The following DYM variants were observed in gnomAD, a reference collection of about 807,000 sequenced individuals.
DYM encodes dyggve-Melchior-Clausen syndrome protein.
DYM carries 78 observed loss-of-function variants against 93.1 expected under a neutral mutation model. The observed-to-expected ratio is 0.84, with a 90% CI of 0.70 to 1.01. DYM has a LOEUF of 1.01. Ranked by LOEUF, DYM falls within the 50% of genes least tolerant of loss-of-function variation. The pLI is 0.00. For missense variants in DYM, 789 were observed against 845.0 expected (o/e 0.93, Z 0.82); for synonymous variants, 321 against 319.7 (o/e 1.00, Z -0.04).
chr18:49,238,816 C>A (rs762189497), intron 13 of DYM, among the ~76,000 whole-genome samples: 10 of 151,864 alleles, frequency 6.6e-5, no homozygotes, highest in Non-Finnish European at 1.5e-5. Context: ...AGAAACACTC[C>A]TCCAGCCAGA....
chr18:49,196,531 G>C (rs1015173786), intron 14 of DYM, among the ~76,000 whole-genome samples: 4 of 152,138 alleles, frequency 2.6e-5, no homozygotes, highest in African/African-American at 9.7e-5. Context: ...AAGTGAGAGA[G>C]TGCGAGGGGT....
chr18:49,117,874 T>C (rs1220107879), intron 16 of DYM, among the ~76,000 whole-genome samples: 1 of 152,182 alleles, frequency 6.6e-6, no homozygotes, highest in Admixed American at 6.6e-5. Flanking sequence ...ATAGTAGCTT[T>C]AGCAGAGATG....
chr18:49,346,537 G>A (rs1017138227), intron 6 of DYM, among the ~76,000 whole-genome samples: 3 of 152,126 alleles, frequency 2.0e-5, no homozygotes, highest in African/African-American at 7.2e-5. Context: ...TTTGGATAAT[G>A]AAAATGTTCT....
chr18:49,267,904 C>T (rs75104999), intron 11 of DYM, among the ~76,000 whole-genome samples: 9 of 136,220 alleles, frequency 6.6e-5, no homozygotes, highest in Admixed American at 1.5e-4. Flanking sequence ...CTCAAACAAA[C>T]AAACAAACAA....
At chr18:49,126,037 T>C (rs2082788272) in intron 15 of DYM, 2 of 152,246 alleles carry the variant, frequency 1.3e-5, no homozygotes, top group Admixed American at 6.5e-5. Flanking sequence ...GATGTAATGC[T>C]GTGTATTCCA....
intron 8 of DYM, among the ~76,000 whole-genome samples, chr18:49,292,592 GAAAAAAAAAAAAAAAAAAAAA>G (rs72415237): frequency 2.5e-5 from 2 of 78,788 alleles, no homozygotes; most frequent in East Asian, 3.1e-4. Context: ...TTTCCTGTTG[GAAAAAAAAAAAAAAAAAAAAA>G]AAAAAAAAAA....
At chr18:49,385,264 T>A (rs2068483097) in intron 3 of DYM, among the ~76,000 whole-genome samples, 1 of 152,106 alleles carries the variant, frequency 6.6e-6, no homozygotes, top group Non-Finnish European at 1.5e-5. Context: ...CTGGCAAACG[T>A]TTTTCCTCAT....
chr18:49,414,925 A>G (rs141132129), intron 2 of DYM, among the ~76,000 whole-genome samples: 143 of 152,298 alleles, frequency 9.4e-4, no homozygotes, highest in African/African-American at 3.3e-3. Flanking sequence ...GTCCTTAAAA[A>G]CAGTCCCTAG....
intron 8 of DYM, among the ~76,000 whole-genome samples, chr18:49,318,802 T>TTC (rs1555691278): frequency 1.5e-5 from 2 of 134,330 alleles, no homozygotes; most frequent in Admixed American, 7.1e-5. Flanking sequence ...TTTTTCTTTT[T>TTC]TTTTTTTTTT....
chr18:49,367,283 C>A (rs1440191071), intron 5 of DYM, among the ~76,000 whole-genome samples: 3 of 152,218 alleles, frequency 2.0e-5, no homozygotes, highest in African/African-American at 7.2e-5. Flanking sequence ...CCAGCCCTAT[C>A]CCTGGAGTTT....
chr18:49,317,579 C>T (rs2062038182), intron 8 of DYM, among the ~76,000 whole-genome samples: 2 of 11,736 alleles, frequency 1.7e-4, no homozygotes, highest in African/African-American at 1.3e-3. Flanking sequence ...CTCTCTCTCT[C>T]TCTCTCTCTC....
At chr18:49,182,183 T>C (rs1370625320) in intron 14 of DYM, among the ~76,000 whole-genome samples, 1 of 152,202 alleles carries the variant, frequency 6.6e-6, no homozygotes, top group Non-Finnish European at 1.5e-5. Flanking sequence ...TTGAATCTTA[T>C]AACCTGAATC....
At chr18:49,300,044 G>GAA (rs542171551) in intron 8 of DYM, among the ~76,000 whole-genome samples, 2 of 71,484 alleles carry the variant, frequency 2.8e-5, no homozygotes, top group African/African-American at 5.4e-5. Context: ...TCCGTCTCGA[G>GAA]AAAAAAAAAA....
chr18:49,097,873 A>AGCTCTCTCTCTCTCTC (rs2079710745), intron 16 of DYM, among the ~76,000 whole-genome samples: 3 of 60,040 alleles, frequency 5.0e-5, no homozygotes, highest in African/African-American at 1.6e-4. Flanking sequence ...GCTTAATATT[A>AGCTCTCTCTCTCTCTC]GCTCTCTCTC....
At chr18:49,381,291 CATAT>C (rs574263781) in intron 3 of DYM, among the ~76,000 whole-genome samples, 14 of 152,070 alleles carry the variant, frequency 9.2e-5, no homozygotes, top group Non-Finnish European at 1.9e-4. Flanking sequence ...CAGGCCCATA[CATAT>C]ATATTTTAAA....
At chr18:49,300,150 T>C (rs1186536476) in intron 8 of DYM, among the ~76,000 whole-genome samples, 1 of 148,750 alleles carries the variant, frequency 6.7e-6, no homozygotes, top group Non-Finnish European at 1.5e-5. Context: ...TTTCTCCATA[T>C]AAAAATCAAG....
intron 8 of DYM, among the ~76,000 whole-genome samples, chr18:49,302,938 C>T (rs2061035405): frequency 6.6e-6 from 1 of 152,214 alleles, no homozygotes; most frequent in Non-Finnish European, 1.5e-5. Flanking sequence ...AACAGAACTT[C>T]AGCACCTGGG....
chr18:49,398,387 T>C (rs2070383051), intron 2 of DYM, among the ~76,000 whole-genome samples: 1 of 152,168 alleles, frequency 6.6e-6, no homozygotes, highest in Non-Finnish European at 1.5e-5. Flanking sequence ...TGGCCACAGC[T>C]GACTAGTCCA....
chr18:49,415,515 T>A (rs1039697592), intron 2 of DYM, among the ~76,000 whole-genome samples: 1 of 151,840 alleles, frequency 6.6e-6, no homozygotes, highest in Admixed American at 6.6e-5. Context: ...GAAAAATTAG[T>A]TTTAAGTGAC....
Sources: allele counts gnomAD v4.1 joint callset (sites outside exome capture counted in the v4.1 genomes callset), GRCh38; gene constraint gnomAD v4.1.1; transcripts MANE v1.5; gene names NCBI Gene and HGNC (gene_info 2026-07-23, HGNC 2026-07-21).